The following GLIS1 variants were observed in gnomAD, a reference collection of about 807,000 sequenced individuals.
GLIS1 encodes the protein GLIS family zinc finger 1, also known as zinc finger protein GLIS1.
GLIS1 carries 24 observed loss-of-function variants against 63.8 expected under a neutral mutation model. That is an observed-to-expected ratio of 0.38 (90% CI 0.27 to 0.53). The LOEUF is 0.53. GLIS1 is among the 20% of genes least tolerant of loss of function. The pLI is 0.85. For missense variants in GLIS1, 1,036 were observed against 1,074.1 expected, an observed-to-expected ratio of 0.96 and a Z score of 0.50; for synonymous variants, 450 against 482.5, an observed-to-expected ratio of 0.93 and a Z score of 0.88.
intron 2 of GLIS1, among the ~76,000 whole-genome samples, chr1:53,601,869 C>T (rs1034924535): frequency 9.2e-5 from 14 of 152,216 alleles, no homozygotes; most frequent in African/African-American, 3.1e-4. Context: ...CATGCTGAGG[C>T]CGGGCACTCA....
chr1:53,602,555 T>C (rs868851199), intron 2 of GLIS1, among the ~76,000 whole-genome samples: 4 of 152,110 alleles, frequency 2.6e-5, no homozygotes, highest in Admixed American at 6.5e-5. Flanking sequence ...GGAGGCTGTG[T>C]GCAGTGAAGG....
At chr1:53,605,464 G>C (rs562940905) in intron 2 of GLIS1, among the ~76,000 whole-genome samples, 6 of 152,150 alleles carry the variant, frequency 3.9e-5, no homozygotes, top group Non-Finnish European at 5.9e-5. Flanking sequence ...CCCCGGCCTC[G>C]GCAGTCCCTG....
At chr1:53,693,403 C>T (rs950242017) in intron 2 of GLIS1, among the ~76,000 whole-genome samples, 2 of 152,224 alleles carry the variant, frequency 1.3e-5, no homozygotes, top group Non-Finnish European at 2.9e-5. Flanking sequence ...GACACCCAGC[C>T]CTCGGGGGCA....
rs144561282 is a variant in GLIS1 at position 53,610,244 on chromosome 1, C to G, written c.260-9966G>C. Among the ~76,000 whole-genome samples the G allele has an allele frequency of 3.7e-3, 560 of 152,232 alleles. 6 individuals are homozygous for G. Among genetic ancestry groups the G allele is most frequent in the Non-Finnish European group, 5.2e-3 (354 of 68,012 alleles). On this transcript the variant is annotated intron_variant, in intron 2 of 10. Coordinates refer to ENST00000628545, the MANE Select transcript of GLIS1 (RefSeq NM_001367484.1). ...GTGTTTATTTATATATTTCTCAAAA[C>G]CAGTGCCATAGTAATAGTTAATATT... is the stretch of plus-strand genomic sequence containing the variant.
chr1:53,702,371 T>C (rs1646532797), intron 2 of GLIS1, among the ~76,000 whole-genome samples: 3 of 152,210 alleles, frequency 2.0e-5, no homozygotes, highest in Admixed American at 2.0e-4. Context: ...CTCAGAACAG[T>C]GGAAGACGCA....
At chr1:53,581,852 T>G (rs542579600) in intron 4 of GLIS1, among the ~76,000 whole-genome samples, 236 of 152,158 alleles carry the variant, frequency 1.6e-3, no homozygotes, top group Non-Finnish European at 1.9e-3. Context: ...GCCCTTTCCA[T>G]GCCCTCCACC....
chr1:53,676,930 C>T (rs542298433), intron 2 of GLIS1, among the ~76,000 whole-genome samples: 1 of 152,328 alleles, frequency 6.6e-6, no homozygotes, highest in South Asian at 2.1e-4. Flanking sequence ...CTTCAAATCC[C>T]ACTTACCGGT....
chr1:53,592,063 G>C (rs1645197368), intron 4 of GLIS1, among the ~76,000 whole-genome samples: 1 of 152,220 alleles, frequency 6.6e-6, no homozygotes, highest in Admixed American at 6.5e-5. Flanking sequence ...GGAGGTCCAG[G>C]TCTGGGTCCC....
intron 2 of GLIS1, among the ~76,000 whole-genome samples, chr1:53,670,327 T>A (rs1570020665): frequency 1.3e-5 from 2 of 152,152 alleles, no homozygotes; most frequent in East Asian, 3.9e-4. Context: ...CTCCAAAAAG[T>A]GAGACTCCTC....
At chr1:53,734,629 C>T (rs984939954) in intron 2 of GLIS1, among the ~76,000 whole-genome samples, 2 of 152,204 alleles carry the variant, frequency 1.3e-5, no homozygotes, top group Middle Eastern at 3.2e-3. Flanking sequence ...CAGACTTCTA[C>T]ATCTGCTCCC....
At chr1:53,580,593 C>A (rs2100494020) in intron 4 of GLIS1, among the ~76,000 whole-genome samples, 1 of 152,184 alleles carries the variant, frequency 6.6e-6, no homozygotes, top group East Asian at 1.9e-4. Flanking sequence ...CAGAGGGTAC[C>A]CCAGAGCAGG....
chr1:53,513,072 C>T (rs930397541), intron 8 of GLIS1, among the ~76,000 whole-genome samples: 1 of 152,104 alleles, frequency 6.6e-6, no homozygotes, highest in East Asian at 1.9e-4. Context: ...CCCCTTCAGG[C>T]TGCCTCTTCA....
chr1:53,615,055 G>A (rs1316450133), intron 2 of GLIS1, among the ~76,000 whole-genome samples: 1 of 152,058 alleles, frequency 6.6e-6, no homozygotes, highest in Non-Finnish European at 1.5e-5. Flanking sequence ...AAATCCTTGA[G>A]AATAAACCTA....
At chr1:53,634,815 G>A (rs962314040) in intron 2 of GLIS1, among the ~76,000 whole-genome samples, 2 of 152,078 alleles carry the variant, frequency 1.3e-5, no homozygotes, top group Admixed American at 1.3e-4. Flanking sequence ...TTGACCCAGG[G>A]GTATGGAAGC....
intron 7 of GLIS1, among the ~76,000 whole-genome samples, chr1:53,517,814 C>T (rs781361194): frequency 1.2e-4 from 18 of 152,202 alleles, no homozygotes; most frequent in African/African-American, 1.7e-4. Context: ...GCCCCTGCCC[C>T]GGGGCCAGGT....
chr1:53,600,223 C>T lies in GLIS1; in HGVS notation c.315G>A (p.Leu105=). Residue 105 remains leucine (L), a synonymous_variant, in exon 3 of 11, where the codon CTG becomes CTA. Transcript: ENST00000628545. ...TGGGGCCAGGGCCCTCAGCAAGGTC[C>T]AGGTCCAGCAGGCTCTTCTCTGAGC... ...TPGSEKSLLD[L]DLAEGPGPTC... 2 of 1,232,094 alleles carry T rather than the reference C, an allele frequency of 1.6e-6. No individual in the cohort carries two copies. Among genetic ancestry groups the T allele is most frequent in the East Asian group, 3.2e-5 (1 of 31,700 alleles). 76.3% of individuals were successfully genotyped at this position (1,232,094 alleles called of 1,614,324 possible).
At chr1:53,581,689 G>T (rs969966706) in intron 4 of GLIS1, among the ~76,000 whole-genome samples, 3 of 152,202 alleles carry the variant, frequency 2.0e-5, no homozygotes, top group African/African-American at 7.2e-5. Flanking sequence ...CAGAGGTCAG[G>T]CTGGGGCAAG....
intron 5 of GLIS1, among the ~76,000 whole-genome samples, chr1:53,529,294 C>T (rs1436784846): frequency 6.6e-6 from 1 of 152,226 alleles, no homozygotes; most frequent in Non-Finnish European, 1.5e-5. Context: ...CCGCTCCTCA[C>T]CTGCAGGGCT....
intron 2 of GLIS1, among the ~76,000 whole-genome samples, chr1:53,676,463 C>T (rs1323377575): frequency 6.6e-6 from 1 of 152,180 alleles, no homozygotes; most frequent in Non-Finnish European, 1.5e-5. Flanking sequence ...ATCCAACACA[C>T]CCCCATAGGC....
Sources: allele counts gnomAD v4.1 joint callset (sites outside exome capture counted in the v4.1 genomes callset), GRCh38; gene constraint gnomAD v4.1.1; transcripts MANE v1.5; gene names NCBI Gene and HGNC (gene_info 2026-07-23, HGNC 2026-07-21).